Variants in FCHO2 observed in about 807,000 individuals in gnomAD.
FCHO2 encodes the protein F-BAR domain only protein 2.
In FCHO2, 43 loss-of-function variants were observed where a neutral mutation model predicts 114.1. The ratio of observed to expected loss-of-function variants is 0.38; its 90% CI spans 0.30 to 0.49. The LOEUF is 0.49. FCHO2 is among the 20% of genes least tolerant of loss of function. FCHO2 has a pLI of 0.97. For missense variants in FCHO2, 807 were observed against 950.4 expected, an observed-to-expected ratio of 0.85 and a Z score of 1.98; for synonymous variants, 293 against 315.2, an observed-to-expected ratio of 0.93 and a Z score of 0.75.
intron 11 of FCHO2, 56 bp from the exon 12 acceptor site, chr5:73,051,289 ATCTC>A: frequency 5.1e-6 from 6 of 1,166,936 alleles, no homozygotes; most frequent in Non-Finnish European, 7.4e-6. Context: ...TACTTTGATA[ATCTC>A]TAATAATTTT....
intron 11 of FCHO2, among the ~76,000 whole-genome samples, chr5:73,047,185 A>G (rs1580162139): frequency 6.6e-6 from 1 of 152,296 alleles, no homozygotes; most frequent in East Asian, 1.9e-4. Context: ...ATATGTGTAT[A>G]ATATTTTTTC....
At chr5:73,003,474 G>A (rs139832733) in intron 5 of FCHO2, among the ~76,000 whole-genome samples, 5 of 152,016 alleles carry the variant, frequency 3.3e-5, no homozygotes, top group African/African-American at 1.2e-4. Context: ...CACCATGCCC[G>A]CCCAGTAAAT....
At chr5:72,997,554 T>G in intron 5 of FCHO2, 1 of 1,330,590 alleles carries the variant, frequency 7.5e-7, no homozygotes, top group East Asian at 2.3e-5. Flanking sequence ...ACAACCCTTC[T>G]CAACCTGCTC....
intron 1 of FCHO2, among the ~76,000 whole-genome samples, chr5:72,964,425 G>A (rs889171429): frequency 6.6e-6 from 1 of 152,036 alleles, no homozygotes; most frequent in Non-Finnish European, 1.5e-5. Flanking sequence ...TCGCTGTATT[G>A]CTCAGGCTGG....
chr5:73,009,744 C>T (rs1013345231), intron 6 of FCHO2, among the ~76,000 whole-genome samples: 18 of 152,250 alleles, frequency 1.2e-4, no homozygotes, highest in African/African-American at 4.3e-4. Flanking sequence ...ACCATGTTGC[C>T]CAGGGTGGTC....
intron 5 of FCHO2, chr5:72,997,721 G>A: frequency 6.7e-7 from 1 of 1,488,176 alleles, no homozygotes; most frequent in Non-Finnish European, 9.1e-7. Flanking sequence ...TTGATGCCCT[G>A]TCCAATGTGA....
chr5:72,998,287 A>G (rs1580073365), intron 5 of FCHO2, among the ~76,000 whole-genome samples: 1 of 152,068 alleles, frequency 6.6e-6, no homozygotes, highest in Non-Finnish European at 1.5e-5. Flanking sequence ...GGAGATCGAG[A>G]CCATCCTGGC....
At chr5:72,957,939 A>G (rs1751644892) in intron 1 of FCHO2, among the ~76,000 whole-genome samples, 1 of 151,966 alleles carries the variant, frequency 6.6e-6, no homozygotes, top group Non-Finnish European at 1.5e-5. Context: ...ATCACAGTTA[A>G]TGTGCTTATT....
chr5:73,029,507 T>C (rs6892578), intron 8 of FCHO2, among the ~76,000 whole-genome samples: 45,349 of 152,092 alleles, frequency 0.3, 6,997 homozygotes, highest in East Asian at 0.44. Flanking sequence ...TCTAAATTTT[T>C]CTCATAGTTT....
At chr5:72,970,065 T>C (rs1285849254) in intron 2 of FCHO2, among the ~76,000 whole-genome samples, 4 of 152,222 alleles carry the variant, frequency 2.6e-5, no homozygotes, top group African/African-American at 9.6e-5. Flanking sequence ...GTTGTTCTTG[T>C]TTTCCTGCAA....
rs1357564491 is a variant in FCHO2, at chr5:73,090,426, T to G, written c.*2336T>G. On this transcript the variant is annotated 3_prime_UTR_variant, in exon 26 of 26. Coordinates refer to ENST00000430046, the MANE Select transcript of FCHO2 (RefSeq NM_138782.3). ...GATTGTAATTAGAACAATGCACATC[T>G]GTCTTCCAAGATTTTGTAAATATTT... The G allele has an allele frequency of 2.0e-5, 3 of 152,642 alleles. No individual in the cohort carries two copies. The highest frequency in any genetic ancestry group is 4.4e-5 in the Non-Finnish European group (3 of 68,024). 9.5% of individuals were successfully genotyped at this position (152,642 alleles called of 1,614,324 possible). A position where few individuals can be genotyped will look rare whatever the true frequency, so the allele number is the denominator to read the frequency against.
In FCHO2 at chr5:73,006,057, C is replaced by T. The variant is rs142377694; in HGVS notation, c.496-388C>T. Among the ~76,000 whole-genome samples the T allele has an allele frequency of 4.0e-3, 610 of 152,216 alleles. 5 individuals carry two copies. The highest frequency in any genetic ancestry group is 6.2e-3 in the Non-Finnish European group (424 of 67,996). On this transcript the variant is annotated intron_variant, in intron 5 of 25. Transcript: ENST00000430046. ...AATTCACAGCTGCGAAAAGGAGTGT[C>T]AAGCACGTTCTGGTGGTATTGTGAC...
At chr5:73,081,093 G>C (rs1328001619) in intron 22 of FCHO2, among the ~76,000 whole-genome samples, 2 of 152,142 alleles carry the variant, frequency 1.3e-5, no homozygotes, top group East Asian at 3.9e-4. Flanking sequence ...CTGGGCAACA[G>C]AGTGAGACCC....
intron 5 of FCHO2, among the ~76,000 whole-genome samples, chr5:72,995,447 G>T (rs955700019): frequency 6.6e-6 from 1 of 152,014 alleles, no homozygotes; most frequent in Non-Finnish European, 1.5e-5. Flanking sequence ...GTAGAGATGG[G>T]GTTTCACCAT....
At chr5:73,016,090 A>T (rs988681030) in intron 7 of FCHO2, among the ~76,000 whole-genome samples, 4 of 152,070 alleles carry the variant, frequency 2.6e-5, no homozygotes, top group African/African-American at 9.7e-5. Context: ...TTCCACAAAT[A>T]TAAAAGGTTT....
chr5:72,996,930 C>T lies in FCHO2; in HGVS notation c.495+6066C>T, dbSNP rs537484462. On this transcript the variant is annotated intron_variant, in intron 5 of 25. Transcript: ENST00000430046. ...GCCAGGGTCATCAGGATGATGCGGA[C>T]GCAGTGTCTGCTGGGGCTGCGCACG... 73 of 1,600,030 alleles carry T rather than the reference C, an allele frequency of 4.6e-5. 1 individual carries two copies. The South Asian group carries it at 6.4e-4, about 14-fold the overall frequency.
chr5:72,958,342 T>A (rs1751668683), intron 1 of FCHO2, among the ~76,000 whole-genome samples: 1 of 152,216 alleles, frequency 6.6e-6, no homozygotes, highest in African/African-American at 2.4e-5. Flanking sequence ...TATGATCCAT[T>A]TGAAGTTAAT....
intron 9 of FCHO2, among the ~76,000 whole-genome samples, chr5:73,035,725 A>G (rs1756464168): frequency 6.6e-6 from 1 of 151,560 alleles, no homozygotes; most frequent in African/African-American, 2.4e-5. Context: ...CTGGTCTTGA[A>G]CTCCTGAGCT....
intron 24 of FCHO2, among the ~76,000 whole-genome samples, chr5:73,083,657 C>T (rs990092129): frequency 3.3e-5 from 5 of 152,050 alleles, no homozygotes; most frequent in South Asian, 2.1e-4. Flanking sequence ...TTTGGTAGGC[C>T]GAGGTGGGTG....
Sources: allele counts gnomAD v4.1 joint callset (sites outside exome capture counted in the v4.1 genomes callset), GRCh38; gene constraint gnomAD v4.1.1; transcripts MANE v1.5; gene names NCBI Gene and HGNC (gene_info 2026-07-23, HGNC 2026-07-21).